The following ZNF831 variants were observed in gnomAD, a reference collection of about 807,000 sequenced individuals.
The protein encoded by ZNF831 is zinc finger protein 831, also known as chromosome 20 open reading frame 174.
ZNF831 carries 59 observed loss-of-function variants against 95.8 expected under a neutral mutation model. The observed-to-expected ratio is 0.62, with a 90% CI of 0.50 to 0.77. The LOEUF (loss-of-function observed/expected upper bound fraction) is 0.77. Among genes scored for constraint, ZNF831 ranks in the 30% least tolerant of loss-of-function variants. The pLI is 0.00. For missense variants in ZNF831, 2,205 were observed against 2,164.0 expected (o/e 1.02, Z -0.38); for synonymous variants, 961 against 925.5 (o/e 1.04, Z -0.70).
rs2146569883 is a variant in ZNF831 at position 59,192,690 on chromosome 20, T to G, written c.1671T>G (p.His557Gln). The G allele has an allele frequency of 6.4e-7, 1 of 1,573,152 alleles. No homozygotes were observed. Among genetic ancestry groups the G allele is most frequent in the Non-Finnish European group, 8.6e-7 (1 of 1,161,484 alleles). Residue 557 changes from histidine (H) to glutamine (Q), a missense_variant, in exon 2 of 6, where the codon CAT (histidine) becomes CAG (glutamine). By Grantham distance (24) the His-to-Gln change is conservative (BLOSUM62 0). Coordinates refer to ENST00000371030, the MANE Select transcript of ZNF831 (RefSeq NM_178457.3). The surrounding 1 kb of genome is among the most constrained non-coding windows in gnomAD (Gnocchi z 5.2). ...GCTCGACTGACGTTCCCAGTGGGCA[T>G]CCCCGGGCCCTGGTCAGACAGGCCG... ...GLSSTDVPSG[H>Q]PRALVRQAAV...
rs147539361 is a variant in ZNF831, at chr20:59,141,025, G to A, written c.-1424-5206G>A. 1.6e-3 allele frequency among the ~76,000 whole-genome samples: 236 copies of A among 152,140 alleles called. 2 individuals carry two copies. Among genetic ancestry groups the A allele is most frequent in the African/African-American group, 4.4e-3 (184 of 41,504 alleles). On this transcript the variant is annotated intron_variant, in intron 1 of 7. Transcript: ENST00000637017. ...AGCAATTCTTCTGCCTCAGCCTCCC[G>A]AGTAGCTAGGATTATAGGTGCGCAC... is the stretch of plus-strand genomic sequence containing the variant.
chr20:59,205,304 C>T (rs1984814679), intron 3 of ZNF831, among the ~76,000 whole-genome samples: 1 of 152,108 alleles, frequency 6.6e-6, no homozygotes, highest in South Asian at 2.1e-4. Context: ...AGGGGTTTGT[C>T]GCTCCCCACC....
chr20:59,194,965 CAT>C (rs2146605891), intron 2 of ZNF831, among the ~76,000 whole-genome samples: 1 of 152,300 alleles, frequency 6.6e-6, no homozygotes, highest in East Asian at 1.9e-4. Flanking sequence ...TTGCGGAAAA[CAT>C]AAATTCCAAA....
intron 4 of ZNF831, among the ~76,000 whole-genome samples, chr20:59,244,669 T>G (rs1301234549): frequency 2.0e-5 from 3 of 152,224 alleles, no homozygotes; most frequent in Non-Finnish European, 4.4e-5. Flanking sequence ...CTTTCTCCAC[T>G]CATAAACAAA....
intron 1 of ZNF831, among the ~76,000 whole-genome samples, chr20:59,134,338 G>A (rs1979439829): frequency 6.6e-6 from 1 of 152,096 alleles, no homozygotes; most frequent in African/African-American, 2.4e-5. Flanking sequence ...TTCCTTATGG[G>A]GACTGTGCCA....
intron 1 of ZNF831, among the ~76,000 whole-genome samples, chr20:59,180,686 C>A (rs1982547781): frequency 6.6e-6 from 1 of 152,178 alleles, no homozygotes; most frequent in Admixed American, 6.5e-5. Context: ...CATCCATGTC[C>A]CTGCAAAGGA....
intron 1 of ZNF831, among the ~76,000 whole-genome samples, chr20:59,180,487 G>A (rs538078992): frequency 1.2e-4 from 19 of 152,158 alleles, no homozygotes; most frequent in Middle Eastern, 3.4e-3. Flanking sequence ...CCCTGCATGC[G>A]TTAGATATTT....
chr20:59,224,440 C>G (rs1986306372), intron 4 of ZNF831, among the ~76,000 whole-genome samples: 1 of 152,148 alleles, frequency 6.6e-6, no homozygotes, highest in African/African-American at 2.4e-5. Flanking sequence ...TCTTTTGTTC[C>G]CTCCTGATGG....
At chr20:59,141,155 C>T (rs1440910363) in intron 1 of ZNF831, among the ~76,000 whole-genome samples, 1 of 152,230 alleles carries the variant, frequency 6.6e-6, no homozygotes, top group African/African-American at 2.4e-5. Context: ...CCACCTTGGC[C>T]TCCCAAAGTG....
At chr20:59,151,447 TG>T (rs940489368) in intron 2 of ZNF831, among the ~76,000 whole-genome samples, 8 of 152,208 alleles carry the variant, frequency 5.3e-5, no homozygotes, top group African/African-American at 1.9e-4. Context: ...CACCCGACCC[TG>T]TGCTAGCATC....
chr20:59,165,316 G>A (rs1183744406), intron 1 of ZNF831, among the ~76,000 whole-genome samples: 2 of 152,292 alleles, frequency 1.3e-5, no homozygotes, highest in East Asian at 3.9e-4. Context: ...GACTGTAAAA[G>A]GGAGGTAGGG....
chr20:59,144,993 G>A (rs1163759604), intron 1 of ZNF831, among the ~76,000 whole-genome samples: 4 of 152,218 alleles, frequency 2.6e-5, no homozygotes, highest in Non-Finnish European at 5.9e-5. Flanking sequence ...ACGGGCAGGA[G>A]CAGTGAGGAG....
intron 3 of ZNF831, among the ~76,000 whole-genome samples, chr20:59,201,031 T>A (rs1319327853): frequency 1.3e-5 from 2 of 152,216 alleles, no homozygotes; most frequent in East Asian, 3.8e-4. Flanking sequence ...ATGGTAGATG[T>A]ATTATTAACT....
At chr20:59,189,081 C>T (rs1336946981) in intron 1 of ZNF831, among the ~76,000 whole-genome samples, 4 of 150,508 alleles carry the variant, frequency 2.7e-5, no homozygotes, top group Admixed American at 1.3e-4. Flanking sequence ...CTCAGGAGGC[C>T]GAGGCAAGAG....
chr20:59,181,906 T>A (rs1982647873), intron 1 of ZNF831, among the ~76,000 whole-genome samples: 1 of 152,140 alleles, frequency 6.6e-6, no homozygotes, highest in South Asian at 2.1e-4. Context: ...GAGCATGGAA[T>A]GTTTTTCCAT....
chr20:59,150,730 C>T (rs1406544071), intron 2 of ZNF831, among the ~76,000 whole-genome samples: 2 of 152,206 alleles, frequency 1.3e-5, no homozygotes, highest in Non-Finnish European at 2.9e-5. Context: ...GGGCAAGGAG[C>T]TCTCCTTGAG....
At chr20:59,238,274 G>A (rs1987115805) in intron 4 of ZNF831, among the ~76,000 whole-genome samples, 1 of 152,054 alleles carries the variant, frequency 6.6e-6, no homozygotes, top group Non-Finnish European at 1.5e-5. Context: ...GTTGATTTCT[G>A]GGCCTTCTGT....
rs770350885 is a variant in ZNF831 at position 59,253,090 on chromosome 20, T to C, written c.4140T>C (p.Leu1380=). Residue 1380 remains leucine (L), a synonymous_variant, in exon 5 of 6, where the codon CTT becomes CTC. Coordinates refer to ENST00000371030, the MANE Select transcript of ZNF831 (RefSeq NM_178457.3). ...DCRQTLGTLS[L]GTSSRIVREM... is the part of the protein sequence containing the mutation. ...GACAAACCTTAGGAACCCTCTCTCT[T>C]GGTACAAGTTCAAGAATTGTCAGGG... 3.7e-6 allele frequency: 6 copies of C among 1,614,078 alleles called. No individual in the cohort carries two copies. Among genetic ancestry groups the C allele is most frequent in the Non-Finnish European group, 5.1e-6 (6 of 1,179,974 alleles).
chr20:59,180,616 C>T (rs1274110797), intron 1 of ZNF831, among the ~76,000 whole-genome samples: 2 of 152,074 alleles, frequency 1.3e-5, no homozygotes, highest in Admixed American at 1.3e-4. Context: ...TGAGTGAGAA[C>T]ATGCAGTGTT....
Sources: allele counts gnomAD v4.1 joint callset (sites outside exome capture counted in the v4.1 genomes callset), GRCh38; gene constraint gnomAD v4.1.1; non-coding constraint Gnocchi (gnomAD v3.1); transcripts MANE v1.5; gene names NCBI Gene and HGNC (gene_info 2026-07-23, HGNC 2026-07-21).